ARVCF: variants seen among roughly 807,000 people sequenced by gnomAD.
ARVCF encodes the protein ARVCF delta catenin family member, also known as splicing regulator ARVCF.
ARVCF carries 66 observed loss-of-function variants against 90.9 expected under a neutral mutation model. That is an observed-to-expected ratio of 0.73 (90% CI 0.60 to 0.89). The LOEUF is 0.89. Among genes scored for constraint, ARVCF ranks in the 40% least tolerant of loss-of-function variants. The probability of loss-of-function intolerance (pLI) is 0.00; values close to 1 mark genes in which losing one functional copy is unlikely to be tolerated. For synonymous variants in ARVCF, 653 were observed against 603.4 expected, an observed-to-expected ratio of 1.08 and a Z score of -1.21; for missense variants, 1,469 against 1,382.3, an observed-to-expected ratio of 1.06 and a Z score of -1.00.
intron 9 of ARVCF, 98 bp from the exon 10 acceptor site, chr22:19,976,821 GCA>G: frequency 7.3e-7 from 1 of 1,371,984 alleles, no homozygotes; most frequent in Non-Finnish European, 1.0e-6. Context: ...GGTTCCCACT[GCA>G]CACCCTGGAT....
downstream of ARVCF, among the ~76,000 whole-genome samples, chr22:19,966,516 C>T (rs1332566119): frequency 6.6e-6 from 1 of 151,712 alleles, no homozygotes; most frequent in East Asian, 1.9e-4. Context: ...TCATAGCTCA[C>T]TGTAGCCTCA....
chr22:19,971,979 T>G lies in ARVCF; in HGVS notation c.2696-8A>C, dbSNP rs557595858. ...CCACCGTGGAGTATCCGTCTGTAGATGGGGTAAGGTGGGGCATGAGGGGCG... is the reference window on the plus strand; with the variant it reads ...CCACCGTGGAGTATCCGTCTGTAGAGGGGGTAAGGTGGGGCATGAGGGGCG... On this transcript the variant is annotated splice_region_variant and splice_polypyrimidine_tract_variant and intron_variant, in intron 17 of 19. Coordinates refer to ENST00000263207, the MANE Select transcript of ARVCF (RefSeq NM_001670.3). 1 of 1,601,716 alleles carries G rather than the reference T, an allele frequency of 6.2e-7. No homozygotes were observed. Among genetic ancestry groups the G allele is most frequent in the Admixed American group, 1.7e-5 (1 of 59,018 alleles).
chr22:19,983,583 C>T (rs1344603260), intron 3 of ARVCF: 1 of 152,414 alleles, frequency 6.6e-6, no homozygotes, highest in African/African-American at 2.4e-5. Flanking sequence ...CAGAAGGCAC[C>T]TCCCCCTCTC....
At chr22:19,978,858 G>A (rs1943313594) in intron 7 of ARVCF, 39 bp downstream of exon 7, 1 of 1,583,070 alleles carries the variant, frequency 6.3e-7, no homozygotes, top group African/African-American at 1.3e-5. Flanking sequence ...GACGGGGCCT[G>A]GTGTGCATGT....
intron 2 of ARVCF, among the ~76,000 whole-genome samples, chr22:19,998,831 C>T (rs1944347690): frequency 1.3e-5 from 2 of 152,236 alleles, no homozygotes; most frequent in Admixed American, 6.5e-5. Flanking sequence ...CCAGGTGTGC[C>T]GAGAGGACTG....
downstream of ARVCF, chr22:19,968,641 T>G: frequency 6.2e-7 from 1 of 1,614,002 alleles, no homozygotes; most frequent in Non-Finnish European, 8.5e-7. Context: ...CTGCTTTGAG[T>G]GCACACACTA....
At chr22:20,014,781 G>A (rs1944962390) in intron 1 of ARVCF, among the ~76,000 whole-genome samples, 1 of 152,212 alleles carries the variant, frequency 6.6e-6, no homozygotes, top group South Asian at 2.1e-4. Flanking sequence ...GCTCCACCCA[G>A]AGACCGGGGA....
At chr22:20,006,578 CAAA>C (rs34035926) in intron 2 of ARVCF, among the ~76,000 whole-genome samples, 1 of 137,450 alleles carries the variant, frequency 7.3e-6, no homozygotes. Context: ...GACTCTGTCT[CAAA>C]AAAAAAAAAG....
chr22:19,995,389 G>C (rs1160930571), intron 2 of ARVCF, among the ~76,000 whole-genome samples: 7 of 151,900 alleles, frequency 4.6e-5, no homozygotes, highest in African/African-American at 1.7e-4. Flanking sequence ...AATGGAAGGG[G>C]GGGTGGGCTG....
intron 1 of ARVCF, among the ~76,000 whole-genome samples, chr22:20,012,093 C>A (rs948191524): frequency 6.7e-6 from 1 of 150,236 alleles, no homozygotes; most frequent in South Asian, 2.1e-4. Flanking sequence ...CCCCCCCCAC[C>A]CAGTTGGGGA....
chr22:19,999,416 G>A (rs1379619550), intron 2 of ARVCF, among the ~76,000 whole-genome samples: 2 of 152,156 alleles, frequency 1.3e-5, no homozygotes, highest in Non-Finnish European at 2.9e-5. Flanking sequence ...TAGGGAGTGG[G>A]GCCAAGGGCT....
intron 2 of ARVCF, among the ~76,000 whole-genome samples, chr22:19,996,402 G>C (rs537445391): frequency 1.1e-4 from 17 of 152,204 alleles, no homozygotes; most frequent in Non-Finnish European, 1.5e-5. Context: ...GCGTTTTGAT[G>C]AAATGACGGG....
At position 19,974,100 on chromosome 22, in the gene ARVCF, CT is replaced by C; in HGVS notation, c.2088+11del. 3 of 1,602,060 alleles carry C rather than the reference CT, an allele frequency of 1.9e-6. No individual in the cohort carries two copies. Among genetic ancestry groups the C allele is most frequent in the Non-Finnish European group, 2.6e-6 (3 of 1,173,678 alleles). ...TCAGGACTTGCCCACCCTGCCCGAC[CT>C]GGTCCCTCACCATCCAGTTGCCGGC... On this transcript the variant is annotated intron_variant, in intron 12 of 19. Coordinates refer to ENST00000263207, the MANE Select transcript of ARVCF (RefSeq NM_001670.3).
chr22:19,995,755 G>A (rs926696396), intron 2 of ARVCF, among the ~76,000 whole-genome samples: 3 of 152,172 alleles, frequency 2.0e-5, no homozygotes, highest in African/African-American at 7.2e-5. Context: ...CTTGCCAGCT[G>A]TCTACCAGAA....
At chr22:20,005,066 C>T (rs923292539) in intron 2 of ARVCF, among the ~76,000 whole-genome samples, 8 of 151,998 alleles carry the variant, frequency 5.3e-5, no homozygotes, top group Admixed American at 2.6e-4. Context: ...AATGTATGTT[C>T]ATCAAAGGAC....
At chr22:20,001,549 A>G (rs1944446140) in intron 2 of ARVCF, among the ~76,000 whole-genome samples, 1 of 152,196 alleles carries the variant, frequency 6.6e-6, no homozygotes, top group Admixed American at 6.5e-5. Flanking sequence ...CATACCTATA[A>G]TCCCAGCACT....
intron 2 of ARVCF, among the ~76,000 whole-genome samples, chr22:19,991,036 G>A (rs1944006531): frequency 6.6e-6 from 1 of 152,366 alleles, no homozygotes; most frequent in Admixed American, 6.5e-5. Flanking sequence ...ACTCTAACCT[G>A]GCTCCTCTGC....
Position 19,972,725 on chromosome 22 carries a change from T to G in ARVCF, c.2641+12A>C. The G allele has an allele frequency of 6.2e-7, 1 of 1,602,272 alleles. No homozygotes were observed. Among genetic ancestry groups the G allele is most frequent in the Non-Finnish European group, 8.5e-7 (1 of 1,174,424 alleles). On this transcript the variant is annotated intron_variant, in intron 16 of 19. Transcript: ENST00000263207. ...TCGCCACCCTCTAGGCTCCCTAAGCTCCACCACTCACCAAGGCTCTTGTCC... is the reference window on the plus strand; with the variant it reads ...TCGCCACCCTCTAGGCTCCCTAAGCGCCACCACTCACCAAGGCTCTTGTCC...
Position 19,972,931 on chromosome 22 carries a change from G to A in ARVCF, c.2544C>T (p.Arg848=). The A allele has an allele frequency of 6.2e-7, 1 of 1,613,868 alleles. No homozygotes were observed. The highest frequency in any genetic ancestry group is 8.5e-7 in the Non-Finnish European group (1 of 1,180,018). ...AAGGCCAGGGAAGCCGCACCTGGAA[G>A]CGCGCCTTGGTCCAACCATCTTTCT... ...TLQKDGWTKA[R]FQSAAATAKG... The change falls in exon 15 of 20, where the codon CGC becomes CGT. Residue 848 remains arginine, a synonymous_variant. Transcript: ENST00000263207.
Sources: allele counts gnomAD v4.1 joint callset (sites outside exome capture counted in the v4.1 genomes callset), GRCh38; gene constraint gnomAD v4.1.1; transcripts MANE v1.5; gene names NCBI Gene and HGNC (gene_info 2026-07-23, HGNC 2026-07-21).